Variants in PRELID2 observed in about 807,000 individuals in gnomAD.
The protein encoded by PRELID2 is PRELI domain containing 2, also known as PRELI domain-containing protein 2.
PRELID2 carries 25 observed loss-of-function variants against 28.4 expected under a neutral mutation model. That is an observed-to-expected ratio of 0.88 (90% CI 0.64 to 1.23). PRELID2 has a LOEUF of 1.23. Among genes scored for constraint, PRELID2 ranks in the 50% most tolerant of loss-of-function variants. The probability of loss-of-function intolerance (pLI) is 0.00; values close to 1 mark genes in which losing one functional copy is unlikely to be tolerated. For synonymous variants in PRELID2, 76 were observed against 71.6 expected (o/e 1.06, Z -0.31); for missense variants, 201 against 214.4 (o/e 0.94, Z 0.39).
At chr5:145,390,370 G>A in the PRELID2 span, among the ~76,000 whole-genome samples, 29 of 152,260 alleles carry the variant, frequency 1.9e-4, no homozygotes, top group African/African-American at 4.8e-4. Flanking sequence ...GCATGGCTAC[G>A]GAGGCCTCAG....
downstream of PRELID2, among the ~76,000 whole-genome samples, chr5:145,753,360 G>A (rs1249310253): frequency 6.6e-6 from 1 of 152,184 alleles, no homozygotes; most frequent in Non-Finnish European, 1.5e-5. Flanking sequence ...TTTTCTGCAA[G>A]GGGTTCTATT....
chr5:145,676,962 A>T (rs1297934971), intron 1 of PRELID2, among the ~76,000 whole-genome samples: 2 of 152,132 alleles, frequency 1.3e-5, no homozygotes, highest in African/African-American at 4.8e-5. Context: ...TAAACAATTA[A>T]AATATATGAG....
chr5:145,779,862 C>T (rs1374978271), intron 5 of PRELID2, among the ~76,000 whole-genome samples: 3 of 152,158 alleles, frequency 2.0e-5, no homozygotes. Flanking sequence ...TCATCATAAC[C>T]ACTAAACAAT....
the PRELID2 span, among the ~76,000 whole-genome samples, chr5:145,403,095 C>T: frequency 2.5e-4 from 38 of 152,148 alleles, no homozygotes. Context: ...GTAGAGCTTT[C>T]CTAGGGGAAT....
the PRELID2 span, among the ~76,000 whole-genome samples, chr5:145,383,953 A>G: frequency 6.6e-6 from 1 of 152,124 alleles, no homozygotes; most frequent in Non-Finnish European, 1.5e-5. Context: ...TAGGATACAT[A>G]ATACATTTTT....
At chr5:145,362,670 T>C in the PRELID2 span, among the ~76,000 whole-genome samples, 1 of 151,880 alleles carries the variant, frequency 6.6e-6, no homozygotes, top group African/African-American at 2.4e-5. Context: ...GGAGAAAAAA[T>C]AGTTATGATG....
At chr5:145,474,858 A>G (rs971573455) in intron 1 of PRELID2, among the ~76,000 whole-genome samples, 6 of 152,186 alleles carry the variant, frequency 3.9e-5, no homozygotes, top group Non-Finnish European at 5.9e-5. Context: ...GTGATAATCA[A>G]TAGATTAACT....
chr5:145,400,851 G>C, the PRELID2 span, among the ~76,000 whole-genome samples: 1 of 152,054 alleles, frequency 6.6e-6, no homozygotes, highest in East Asian at 1.9e-4. Context: ...TCCTTCCTGG[G>C]ATAATCAAAG....
chr5:145,535,254 G>C (rs1752689912), intron 1 of PRELID2, among the ~76,000 whole-genome samples: 1 of 151,612 alleles, frequency 6.6e-6, no homozygotes, highest in South Asian at 2.1e-4. Flanking sequence ...TAATTTCAGA[G>C]AATTTTTGGA....
At chr5:145,718,133 G>C (rs988233046) in intron 1 of PRELID2, among the ~76,000 whole-genome samples, 1 of 151,850 alleles carries the variant, frequency 6.6e-6, no homozygotes, top group South Asian at 2.1e-4. Context: ...CAGTGAAAAA[G>C]TAGAGGCATT....
At chr5:145,728,354 C>T (rs1312819377) in intron 1 of PRELID2, 1 of 393,706 alleles carries the variant, frequency 2.5e-6, no homozygotes, top group Non-Finnish European at 4.8e-6. Context: ...ACTTACTTAT[C>T]TCTACATCTT....
intron 5 of PRELID2, among the ~76,000 whole-genome samples, chr5:145,786,023 G>A (rs1018396631): frequency 5.3e-5 from 8 of 152,136 alleles, no homozygotes; most frequent in Non-Finnish European, 1.2e-4. Flanking sequence ...TACAGAACAG[G>A]TCAACTATTT....
chr5:145,505,155 C>CTT (rs10643953), intron 1 of PRELID2, among the ~76,000 whole-genome samples: 41,911 of 151,952 alleles, frequency 0.28, 5,874 homozygotes, highest in South Asian at 0.38. Flanking sequence ...TATATTTAAA[C>CTT]ATACATTTTC....
At chr5:145,511,845 A>G (rs1752463733) in intron 1 of PRELID2, among the ~76,000 whole-genome samples, 2 of 151,426 alleles carry the variant, frequency 1.3e-5, no homozygotes, top group Admixed American at 1.3e-4. Context: ...CTGGAAAATA[A>G]AGTATTTTGC....
the PRELID2 span, among the ~76,000 whole-genome samples, chr5:145,382,503 T>C: frequency 7.9e-5 from 12 of 151,858 alleles, no homozygotes; most frequent in East Asian, 1.9e-4. Flanking sequence ...ATATACAAGA[T>C]AATAATAAAA....
the PRELID2 span, among the ~76,000 whole-genome samples, chr5:145,334,724 C>T: frequency 1.1e-4 from 16 of 151,294 alleles, no homozygotes; most frequent in Non-Finnish European, 1.8e-4. Context: ...TATCTTTCCT[C>T]CATTTCTGAA....
At chr5:145,467,088 T>G (rs577151467), downstream of PRELID2, among the ~76,000 whole-genome samples, 43 of 152,126 alleles carry the variant, frequency 2.8e-4, 1 homozygote, top group Non-Finnish European at 4.6e-4. Context: ...TTCCCAGAAG[T>G]TTGTAAAACC....
intron 1 of PRELID2, among the ~76,000 whole-genome samples, chr5:145,544,159 C>A (rs1162475751): frequency 1.3e-5 from 2 of 151,932 alleles, no homozygotes; most frequent in Non-Finnish European, 2.9e-5. Context: ...GACTTTGATC[C>A]CAGAAAGCTT....
At chr5:145,481,638 AAAAAAAAAAAAAAAAGAAAG>A (rs1018211617) in intron 1 of PRELID2, among the ~76,000 whole-genome samples, 1 of 146,244 alleles carries the variant, frequency 6.8e-6, no homozygotes, top group African/African-American at 2.5e-5. Flanking sequence ...AAAAAAAAAA[AAAAAAAAAAAAAAAAGAAAG>A]AAAGAAAGAA....
Sources: gnomAD v4.1 joint callset for allele counts (sites outside exome capture counted in the v4.1 genomes callset) on GRCh38, gnomAD v4.1.1 for gene constraint, MANE v1.5 for transcripts, NCBI Gene and HGNC (gene_info 2026-07-23, HGNC 2026-07-21) for gene names.